PRDM2: variants seen among roughly 807,000 people sequenced by gnomAD.
PRDM2 encodes the protein PR domain zinc finger protein 2.
Under a neutral mutation model 130.0 loss-of-function variants are expected in PRDM2, and 30 were observed. That is an observed-to-expected ratio of 0.23 (90% confidence interval 0.17 to 0.31). PRDM2 has a LOEUF of 0.31. PRDM2 is among the 10% of genes least tolerant of loss of function. The pLI is 1.00. For synonymous variants in PRDM2, 871 were observed against 782.4 expected (o/e 1.11, Z -1.89); for missense variants, 2,011 against 2,108.4 (o/e 0.95, Z 0.90).
In PRDM2 at chr1:13,779,627, A is replaced by G; in HGVS notation, c.1832A>G (p.Gln611Arg). ...LLTPVTVEIT[Q>R]NIKTTQVPVT... ...ACTCCAGTTACAGTGGAAATTACTC[A>G]AAATATAAAGACCACACAGGTCCCT... The change falls in exon 8 of 10, where the codon CAA (glutamine) becomes CGA (arginine). Residue 611 changes from glutamine to arginine, a missense_variant. By Grantham distance (43) the Gln-to-Arg change is conservative (BLOSUM62 1). Around this residue, in one of 5 missense-constraint regions of PRDM2, gnomAD observed 1,288 missense variants for 1,237.7 expected, o/e 1.04. Transcript: ENST00000311066. The surrounding 1 kb of genome is among the most constrained non-coding windows in gnomAD (Gnocchi z 4.9). The G allele has an allele frequency of 6.2e-7, 1 of 1,614,096 alleles. No homozygotes were observed. Among genetic ancestry groups the G allele is most frequent in the Non-Finnish European group, 8.5e-7 (1 of 1,179,974 alleles).
intron 6 of PRDM2, among the ~76,000 whole-genome samples, chr1:13,750,796 T>C (rs1643806908): frequency 6.6e-6 from 1 of 152,214 alleles, no homozygotes; most frequent in African/African-American, 2.4e-5. Context: ...TTTTTAACTT[T>C]TAACTGAGTT....
chr1:13,733,082 G>A (rs1643159918), intron 4 of PRDM2, among the ~76,000 whole-genome samples, 200 bp downstream of exon 4: 1 of 152,078 alleles, frequency 6.6e-6, no homozygotes, highest in Admixed American at 6.5e-5. Context: ...AAACTGCTTG[G>A]CTGTCCTCAA....
intron 8 of PRDM2, among the ~76,000 whole-genome samples, chr1:13,790,348 C>T (rs886766723): frequency 2.0e-5 from 3 of 152,214 alleles, no homozygotes; most frequent in Admixed American, 6.5e-5. Context: ...CTTTCTAAGG[C>T]TGGCGGGGCC....
intron 8 of PRDM2, chr1:13,787,541 GC>G: frequency 3.1e-6 from 3 of 982,572 alleles, no homozygotes; most frequent in Non-Finnish European, 3.6e-6. Context: ...GTGAATTTGT[GC>G]CACTTTAATC....
intron 8 of PRDM2, among the ~76,000 whole-genome samples, chr1:13,809,855 T>A (rs1051267546): frequency 2.0e-5 from 3 of 151,880 alleles, no homozygotes; most frequent in Admixed American, 6.6e-5. Flanking sequence ...ATGACAGAAA[T>A]TTTTTTTTCA....
At chr1:13,796,738 T>A (rs1216742060) in intron 8 of PRDM2, among the ~76,000 whole-genome samples, 1 of 152,190 alleles carries the variant, frequency 6.6e-6, no homozygotes, top group Non-Finnish European at 1.5e-5. Flanking sequence ...GCCAGCAGAG[T>A]GAGACCCTGT....
At position 13,782,346 on chromosome 1, in the gene PRDM2, A is replaced by G. The variant is rs371589797; in HGVS notation, c.4551A>G (p.Thr1517=). 22 of 1,614,006 alleles carry G rather than the reference A, an allele frequency of 1.4e-5. No homozygotes were observed. The highest frequency in any genetic ancestry group is 3.3e-5 in the Admixed American group (2 of 59,984). The stretch of plus-strand genomic sequence containing the variant: ...GTAACAGCAACCACCGCAGACGGAC[A>G]GCGGATGCGGAGATTAAAATGCAAA... ...KNSNSNHRRR[T]ADAEIKMQSM... The change falls in exon 8 of 10, where the codon ACA becomes ACG. Residue 1517 remains threonine, a synonymous_variant. Coordinates refer to ENST00000311066, the MANE Select transcript of PRDM2 (RefSeq NM_001393986.1).
In PRDM2 at chr1:13,781,455, A is replaced by C. The variant is rs778985605; in HGVS notation, c.3660A>C (p.Thr1220=). The C allele has an allele frequency of 5.0e-6, 8 of 1,613,744 alleles. No individual in the cohort carries two copies. The Admixed American group carries it at 5.0e-5, about 10-fold the overall frequency. ...ATCTCCACCCAGATAAGGTGTGCAC[A>C]CATCACGAGTTTGAAAGCGGGACTC... The part of the protein sequence containing the change: ...QRDLHPDKVC[T]HHEFESGTLR... Residue 1220 remains threonine (T), a synonymous_variant, in exon 8 of 10, where the codon ACA becomes ACC. Transcript: ENST00000311066. This position sits in a 1 kb window ranked among gnomAD's most constrained non-coding sequence, Gnocchi z 6.1.
chr1:13,816,222 G>GCAC (rs1430200891), intron 8 of PRDM2, among the ~76,000 whole-genome samples: 2 of 152,190 alleles, frequency 1.3e-5, no homozygotes, highest in African/African-American at 4.8e-5. Context: ...AGAATTGGTG[G>GCAC]ATGGGACATG....
chr1:13,796,645 AG>A (rs1296658212), intron 8 of PRDM2, among the ~76,000 whole-genome samples: 1 of 152,128 alleles, frequency 6.6e-6, no homozygotes, highest in Non-Finnish European at 1.5e-5. Flanking sequence ...CCAGCTACTC[AG>A]GAGGCTGAGG....
intron 2 of PRDM2, among the ~76,000 whole-genome samples, chr1:13,718,437 G>A (rs1187306515): frequency 6.6e-6 from 1 of 152,172 alleles, no homozygotes; most frequent in African/African-American, 2.4e-5. Context: ...AGAGTCCACA[G>A]CCTGCCAGTA....
chr1:13,724,581 G>A (rs928046333), intron 2 of PRDM2, among the ~76,000 whole-genome samples: 7 of 144,770 alleles, frequency 4.8e-5, no homozygotes, highest in Middle Eastern at 3.6e-3. Flanking sequence ...TGCAACCTCC[G>A]CCTCTCAGGT....
intron 9 of PRDM2, among the ~76,000 whole-genome samples, chr1:13,819,082 C>T (rs998563008): frequency 4.6e-5 from 7 of 152,294 alleles, no homozygotes; most frequent in African/African-American, 9.6e-5. Context: ...ATCCTCCTTG[C>T]GGCCAAGGCT....
At chr1:13,741,720 T>TTGTTTG (rs1643447425) in intron 4 of PRDM2, among the ~76,000 whole-genome samples, 1 of 112,550 alleles carries the variant, frequency 8.9e-6, no homozygotes, top group African/African-American at 4.1e-5. Flanking sequence ...CTCTTTAAGT[T>TTGTTTG]TGTGTGTGTG....
chr1:13,709,522 T>C (rs1202943511), intron 1 of PRDM2, among the ~76,000 whole-genome samples: 5 of 152,236 alleles, frequency 3.3e-5, no homozygotes, highest in Non-Finnish European at 7.3e-5. Flanking sequence ...GTAAGGTCAG[T>C]GTTAGACGAC....
chr1:13,813,962 A>G (rs2235516), intron 8 of PRDM2, among the ~76,000 whole-genome samples: 133,766 of 152,254 alleles, frequency 0.88, 59,039 homozygotes, highest in African/African-American at 0.95. Context: ...ACAGCAGAGA[A>G]AGGGAGAAGC....
chr1:13,749,226 C>G, intron 5 of PRDM2, 135 bp from the exon 6 acceptor site: 6 of 848,840 alleles, frequency 7.1e-6, no homozygotes, highest in Non-Finnish European at 8.8e-6. Context: ...CCCTTCCTGC[C>G]GGCCGGGTGC....
chr1:13,759,399 T>TA (rs1190029156), intron 6 of PRDM2, among the ~76,000 whole-genome samples: 28 of 152,188 alleles, frequency 1.8e-4, no homozygotes, highest in African/African-American at 6.5e-4. Flanking sequence ...AGCCTTTTGT[T>TA]ATTCTTTTTA....
intron 8 of PRDM2, among the ~76,000 whole-genome samples, chr1:13,786,199 C>T (rs1478990862): frequency 1.3e-5 from 2 of 151,902 alleles, no homozygotes; most frequent in South Asian, 2.1e-4. Context: ...GAGTTCCCAT[C>T]GCAGTCAAGA....
Sources: allele counts gnomAD v4.1 joint callset (sites outside exome capture counted in the v4.1 genomes callset), GRCh38; gene constraint gnomAD v4.1.1; regional missense constraint gnomAD v4.1.1; non-coding constraint Gnocchi (gnomAD v3.1); transcripts MANE v1.5; gene names NCBI Gene and HGNC (gene_info 2026-07-23, HGNC 2026-07-21).